KLF7: variants seen among roughly 807,000 people sequenced by gnomAD.
KLF7 encodes the protein Krueppel-like factor 7.
A neutral mutation model predicts 27.3 loss-of-function variants in KLF7; 2 were observed. The ratio of observed to expected loss-of-function variants is 0.07; its 90% CI spans 0.03 to 0.23. The LOEUF (loss-of-function observed/expected upper bound fraction) is 0.23. Among genes scored for constraint, KLF7 ranks in the 10% least tolerant of loss-of-function variants. The pLI is 1.00. For synonymous variants in KLF7, 165 were observed against 162.4 expected (o/e 1.02, Z -0.12); for missense variants, 221 against 394.1 (o/e 0.56, Z 3.72).
At chr2:207,147,510 T>C (rs1223530284) in intron 1 of KLF7, among the ~76,000 whole-genome samples, 3 of 152,216 alleles carry the variant, frequency 2.0e-5, no homozygotes, top group Non-Finnish European at 4.4e-5. Flanking sequence ...TCCTTCTTTT[T>C]TTCCCTCATT....
intron 1 of KLF7, among the ~76,000 whole-genome samples, chr2:207,145,668 T>C (rs747007448): frequency 6.6e-6 from 1 of 152,224 alleles, no homozygotes; most frequent in Non-Finnish European, 1.5e-5. Context: ...CTAAGGAGTA[T>C]TCTTTCCTGG....
At chr2:207,099,947 T>TA (rs1199280387) in intron 2 of KLF7, among the ~76,000 whole-genome samples, 2 of 152,220 alleles carry the variant, frequency 1.3e-5, no homozygotes, top group African/African-American at 4.8e-5. Flanking sequence ...CCAGGCAATG[T>TA]GGTAGGTCCC....
intron 2 of KLF7, among the ~76,000 whole-genome samples, chr2:207,100,133 T>C (rs540649264): frequency 1.7e-4 from 18 of 104,874 alleles, no homozygotes; most frequent in Admixed American, 1.4e-3. Context: ...CGAGACCATG[T>C]CTCAAAAAAA....
intron 1 of KLF7, among the ~76,000 whole-genome samples, chr2:207,135,339 A>G (rs1205310316): frequency 6.6e-6 from 1 of 151,972 alleles, no homozygotes; most frequent in East Asian, 1.9e-4. Context: ...GGTTTGGAGA[A>G]CCTGGAAGAA....
At chr2:207,166,332 G>C, upstream of KLF7, 1 of 308,748 alleles carries the variant, frequency 3.2e-6, no homozygotes, top group Non-Finnish European at 4.7e-6. Context: ...GGCGGTGCGA[G>C]GCGAGCTATT....
chr2:207,146,228 C>T (rs1295706313), intron 1 of KLF7, among the ~76,000 whole-genome samples: 1 of 152,202 alleles, frequency 6.6e-6, no homozygotes, highest in African/African-American at 2.4e-5. Flanking sequence ...ACATATCACC[C>T]TTCCTTCCAT....
intron 1 of KLF7, among the ~76,000 whole-genome samples, chr2:207,137,808 A>G (rs899872128): frequency 6.6e-6 from 1 of 152,138 alleles, no homozygotes; most frequent in African/African-American, 2.4e-5. Context: ...TCTCTTATTC[A>G]TTATGTCAGG....
intron 2 of KLF7, among the ~76,000 whole-genome samples, chr2:207,097,121 T>C (rs867843860): frequency 6.6e-6 from 1 of 152,140 alleles, no homozygotes; most frequent in Admixed American, 6.5e-5. Context: ...ATTGCTGTAG[T>C]GGGGAAATAA....
At chr2:207,127,636 G>C (rs1299971833) in intron 1 of KLF7, among the ~76,000 whole-genome samples, 1 of 152,140 alleles carries the variant, frequency 6.6e-6, no homozygotes, top group South Asian at 2.1e-4. Flanking sequence ...GAGGTCAGGA[G>C]TTTGAAACCA....
intron 3 of KLF7, among the ~76,000 whole-genome samples, chr2:207,086,866 A>G (rs1199082304): frequency 6.6e-6 from 1 of 152,242 alleles, no homozygotes; most frequent in Non-Finnish European, 1.5e-5. Flanking sequence ...ACACGCTACC[A>G]TCACACTCTG....
rs2284934 is a variant in KLF7 at position 207,134,076 on chromosome 2, C to G, written c.103-9672G>C. Reference sequence around the variant, plus strand: ...GCCCCTTTACACTCACTGGCCAAGACGGGAACATGCCGAACCAGTTACATC... The same window carrying G: ...GCCCCTTTACACTCACTGGCCAAGAGGGGAACATGCCGAACCAGTTACATC... On this transcript the variant is annotated intron_variant, in intron 1 of 3. Coordinates refer to ENST00000309446, the MANE Select transcript of KLF7 (RefSeq NM_003709.4). 3 of 1,534,352 alleles carry G rather than the reference C, an allele frequency of 2.0e-6. No homozygotes were observed. In the African/African-American group the frequency reaches 4.1e-5, roughly 21 times the overall value.
At chr2:207,171,021 TAAC>T (rs933148926), upstream of KLF7, among the ~76,000 whole-genome samples, 1 of 150,072 alleles carries the variant, frequency 6.7e-6, no homozygotes, top group African/African-American at 2.5e-5. Flanking sequence ...CAAAGTAAAT[TAAC>T]AACCTTCTGA....
At chr2:207,102,482 T>C (rs2105912340) in intron 2 of KLF7, among the ~76,000 whole-genome samples, 1 of 152,346 alleles carries the variant, frequency 6.6e-6, no homozygotes, top group South Asian at 2.1e-4. Context: ...AGTCACTTCA[T>C]ATTACTCCAG....
chr2:207,166,443 G>A (rs6717413), upstream of KLF7: 89,857 of 152,592 alleles, frequency 0.59, 27,947 homozygotes, highest in East Asian at 0.89. Flanking sequence ...GCCAGCTCCC[G>A]GGACGGCTGG....
chr2:207,122,905 A>G (rs1440157746), intron 2 of KLF7, among the ~76,000 whole-genome samples: 1 of 152,206 alleles, frequency 6.6e-6, no homozygotes, highest in African/African-American at 2.4e-5. Flanking sequence ...TGCTACTAGC[A>G]TCCTAGTAGC....
rs2076170330 is a variant in KLF7 at position 207,075,996 on chromosome 2, CG to C, written c.*5216del. On this transcript the variant is annotated 3_prime_UTR_variant, in exon 4 of 4. Transcript: ENST00000309446. ...CCTCTGCCCACCCCCAACCCCTCCC[CG>C]CTATGTGGAACTCCCAGTGTGGTTT... 1 of 152,044 alleles carries C rather than the reference CG, an allele frequency of 6.6e-6. No individual in the cohort carries two copies. The highest frequency in any genetic ancestry group is 2.1e-4 in the South Asian group (1 of 4,816). 9.4% of individuals were successfully genotyped at this position (152,044 alleles called of 1,614,324 possible).
At chr2:207,143,457 C>T (rs1473058554) in intron 1 of KLF7, among the ~76,000 whole-genome samples, 1 of 151,674 alleles carries the variant, frequency 6.6e-6, no homozygotes. Flanking sequence ...CTATTTAAAA[C>T]CCTCAAGTAT....
chr2:207,161,066 A>G (rs982163135), intron 1 of KLF7, among the ~76,000 whole-genome samples: 7 of 152,236 alleles, frequency 4.6e-5, no homozygotes, highest in Non-Finnish European at 1.5e-5. Context: ...ACTTTAAAAT[A>G]CCAAACTGCA....
At chr2:207,098,990 AAAC>A (rs1464213121) in intron 2 of KLF7, among the ~76,000 whole-genome samples, 5 of 152,086 alleles carry the variant, frequency 3.3e-5, no homozygotes, top group Non-Finnish European at 7.4e-5. Flanking sequence ...CTTTTACTCC[AAAC>A]AACACGTTCC....
Sources: gnomAD v4.1 joint callset for allele counts (sites outside exome capture counted in the v4.1 genomes callset) on GRCh38, gnomAD v4.1.1 for gene constraint, MANE v1.5 for transcripts, NCBI Gene and HGNC (gene_info 2026-07-23, HGNC 2026-07-21) for gene names.